The following DCC variants were observed in gnomAD, a reference collection of about 807,000 sequenced individuals.
The protein encoded by DCC is DCC netrin 1 receptor.
Under a neutral mutation model 172.5 loss-of-function variants are expected in DCC, and 58 were observed. The ratio of observed to expected loss-of-function variants is 0.34; its 90% CI spans 0.27 to 0.42. The LOEUF (loss-of-function observed/expected upper bound fraction) is 0.42, where lower values mean the gene tolerates loss of function less well. DCC is among the 10% of genes least tolerant of loss of function. DCC has a pLI of 1.00. For synonymous variants in DCC, 709 were observed against 644.5 expected, an observed-to-expected ratio of 1.10 and a Z score of -1.52; for missense variants, 1,740 against 1,791.0, an observed-to-expected ratio of 0.97 and a Z score of 0.51.
intron 1 of DCC, among the ~76,000 whole-genome samples, chr18:52,487,721 G>C (rs575515306): frequency 3.2e-4 from 47 of 148,718 alleles, no homozygotes; most frequent in African/African-American, 1.1e-3. Flanking sequence ...TGAGGCATAA[G>C]GATGGTTTGA....
intron 2 of DCC, chr18:52,756,911 G>T (rs1186654801): frequency 6.6e-6 from 1 of 152,084 alleles, no homozygotes; most frequent in Non-Finnish European, 1.5e-5. Context: ...ATAATTATTA[G>T]GAATGAACAA....
chr18:53,341,287 G>C (rs1568067915), intron 15 of DCC, among the ~76,000 whole-genome samples: 1 of 152,168 alleles, frequency 6.6e-6, no homozygotes, highest in African/African-American at 2.4e-5. Flanking sequence ...TCAGAAGGAA[G>C]TCAGGAGGGA....
chr18:53,388,073 C>A (rs939570266), intron 16 of DCC, among the ~76,000 whole-genome samples: 2 of 152,192 alleles, frequency 1.3e-5, no homozygotes, highest in South Asian at 2.1e-4. Context: ...GTGATCCAGG[C>A]AATTTTTATT....
At position 52,974,501 on chromosome 18, in the gene DCC, C is replaced by T. The variant is rs139429515; in HGVS notation, c.985+49131C>T. Among the ~76,000 whole-genome samples, 79 of 152,226 alleles carry T rather than the reference C, an allele frequency of 5.2e-4. 1 individual carries two copies. The highest frequency in any genetic ancestry group is 5.2e-3 in the Admixed American group (79 of 15,284). ...AAATGCCAGAGGACTTGCAGCAAAT[C>T]AAAACACAAGTGCTGATAAAATGAA... On this transcript the variant is annotated intron_variant, in intron 5 of 28. Coordinates refer to ENST00000442544, the MANE Select transcript of DCC (RefSeq NM_005215.4).
intron 1 of DCC, among the ~76,000 whole-genome samples, chr18:52,631,886 G>A (rs981393809): frequency 2.6e-5 from 4 of 152,258 alleles, no homozygotes; most frequent in Middle Eastern, 3.4e-3. Context: ...TTTGGAAAGC[G>A]CAGTCTTGTG....
chr18:53,217,298 CACATAT>C (rs774013811), intron 12 of DCC, among the ~76,000 whole-genome samples: 71 of 100,508 alleles, frequency 7.1e-4, no homozygotes, highest in African/African-American at 5.5e-3. Context: ...CACACACACA[CACATAT>C]GTATATACAC....
intron 8 of DCC, among the ~76,000 whole-genome samples, chr18:53,167,903 T>C (rs2054947727): frequency 6.6e-6 from 1 of 152,162 alleles, no homozygotes; most frequent in Non-Finnish European, 1.5e-5. Context: ...GGGTTTCATT[T>C]GAAACAAGCT....
intron 1 of DCC, among the ~76,000 whole-genome samples, chr18:52,735,298 A>G (rs1380443172): frequency 1.3e-5 from 2 of 152,158 alleles, no homozygotes; most frequent in Non-Finnish European, 2.9e-5. Context: ...CATCAGTAGT[A>G]TGATAAGCCA....
chr18:53,118,260 A>G (rs1229289594), intron 7 of DCC, among the ~76,000 whole-genome samples: 2 of 151,726 alleles, frequency 1.3e-5, no homozygotes, highest in Non-Finnish European at 2.9e-5. Flanking sequence ...CTTCCAAACC[A>G]CTGTGTATAA....
chr18:52,846,938 A>G (rs937812042), intron 2 of DCC, among the ~76,000 whole-genome samples: 1 of 152,108 alleles, frequency 6.6e-6, no homozygotes, highest in African/African-American at 2.4e-5. Context: ...TATTTCATGG[A>G]TTCAGACTCA....
chr18:53,431,147 CTGTTT>C (rs1275667209), intron 21 of DCC, among the ~76,000 whole-genome samples: 5 of 152,082 alleles, frequency 3.3e-5, no homozygotes, highest in African/African-American at 2.4e-5. Flanking sequence ...CAAACTCCCT[CTGTTT>C]TAACTCAGCC....
At chr18:53,317,308 C>G (rs1445736249) in intron 13 of DCC, among the ~76,000 whole-genome samples, 1 of 152,150 alleles carries the variant, frequency 6.6e-6, no homozygotes, top group Non-Finnish European at 1.5e-5. Flanking sequence ...GTTGTACCAG[C>G]CTTGCATCTC....
chr18:52,937,028 G>A (rs1482561793), intron 5 of DCC, among the ~76,000 whole-genome samples: 1 of 152,030 alleles, frequency 6.6e-6, no homozygotes, highest in Non-Finnish European at 1.5e-5. Context: ...TTTGAGCAGG[G>A]AATCACCAAA....
chr18:52,340,441 T>C lies in DCC; in HGVS notation c.-347T>C, dbSNP rs1411557687. The C allele has an allele frequency of 5.1e-6, 2 of 393,434 alleles. No individual in the cohort carries two copies. The highest frequency in any genetic ancestry group is 3.6e-5 in the Admixed American group (1 of 27,762). 24.4% of individuals were successfully genotyped at this position (393,434 alleles called of 1,614,324 possible). Reference sequence around the variant, plus strand: ...CTTGGTCCCTCCTGGATGTGGTTTATTGATGACTTGCGAGCCCCTCAGAGA... The same window carrying C: ...CTTGGTCCCTCCTGGATGTGGTTTACTGATGACTTGCGAGCCCCTCAGAGA... On this transcript the variant is annotated 5_prime_UTR_variant, in exon 1 of 29. Transcript: ENST00000442544.
intron 6 of DCC, among the ~76,000 whole-genome samples, chr18:53,064,153 G>T (rs866461213): frequency 7.2e-5 from 11 of 152,212 alleles, no homozygotes; most frequent in Non-Finnish European, 1.0e-4. Context: ...GAGATAATAG[G>T]GATAGTGGTA....
intron 1 of DCC, among the ~76,000 whole-genome samples, chr18:52,599,922 A>G (rs2033984051): frequency 6.6e-6 from 1 of 152,030 alleles, no homozygotes; most frequent in Non-Finnish European, 1.5e-5. Flanking sequence ...TGTTCTAACC[A>G]TTGTTCCTTT....
chr18:52,869,716 G>T (rs1009824728), intron 2 of DCC, among the ~76,000 whole-genome samples: 1 of 152,206 alleles, frequency 6.6e-6, no homozygotes, highest in African/African-American at 2.4e-5. Context: ...AGTCTAGAGG[G>T]GGCCAAAGTC....
chr18:52,851,989 C>A (rs574041953), intron 2 of DCC, among the ~76,000 whole-genome samples: 38 of 152,160 alleles, frequency 2.5e-4, no homozygotes, highest in African/African-American at 8.4e-4. Context: ...ATGAAACATA[C>A]ATATAACACA....
Position 53,377,741 on chromosome 18 carries a change from GTTACTA to G in DCC, c.2360-8298_2360-8293del, listed in dbSNP as rs1907412517. 6.6e-5 allele frequency among the ~76,000 whole-genome samples: 10 copies of G among 152,290 alleles called. 1 individual carries two copies. In the South Asian group the frequency reaches 1.9e-3, roughly 28 times the overall value. Reference sequence around the variant, plus strand: ...AGGCCTAATTAGGCATCCAACAAATGTTACTATTAGGAAAAAGAGAATGAGGAGGAG... The same window carrying G: ...AGGCCTAATTAGGCATCCAACAAATGTTAGGAAAAAGAGAATGAGGAGGAG... On this transcript the variant is annotated intron_variant, in intron 15 of 28. Coordinates refer to ENST00000442544, the MANE Select transcript of DCC (RefSeq NM_005215.4).
Sources: gnomAD v4.1 joint callset for allele counts (sites outside exome capture counted in the v4.1 genomes callset) on GRCh38, gnomAD v4.1.1 for gene constraint, MANE v1.5 for transcripts, NCBI Gene and HGNC (gene_info 2026-07-23, HGNC 2026-07-21) for gene names.